The following SLC44A1 variants were observed in gnomAD, a reference collection of about 807,000 sequenced individuals.
SLC44A1 encodes choline transporter-like protein 1.
Under a neutral mutation model 79.3 loss-of-function variants are expected in SLC44A1, and 26 were observed. That is an observed-to-expected ratio of 0.33 (90% CI 0.24 to 0.46). The LOEUF (loss-of-function observed/expected upper bound fraction) is 0.46. Ranked by LOEUF, SLC44A1 falls within the 20% of genes least tolerant of loss-of-function variation. SLC44A1 has a pLI of 1.00. For synonymous variants in SLC44A1, 263 were observed against 286.2 expected (o/e 0.92, Z 0.82); for missense variants, 688 against 798.1 (o/e 0.86, Z 1.66).
chr9:105,368,414 G>A (rs754660727), intron 12 of SLC44A1, among the ~76,000 whole-genome samples: 1 of 152,102 alleles, frequency 6.6e-6, no homozygotes, highest in African/African-American at 2.4e-5. Context: ...TGTCTCCTGG[G>A]CTCATAGGAA....
intron 1 of SLC44A1, among the ~76,000 whole-genome samples, chr9:105,292,222 C>T (rs12341869): frequency 0.048 from 7,250 of 152,230 alleles, 577 homozygotes; most frequent in African/African-American, 0.16. Context: ...AGTTGCAGCA[C>T]CTCTAGATAT....
intron 15 of SLC44A1, among the ~76,000 whole-genome samples, chr9:105,436,191 C>T (rs1207531671): frequency 6.6e-6 from 1 of 152,120 alleles, no homozygotes; most frequent in African/African-American, 2.4e-5. Flanking sequence ...AAGCAAGACT[C>T]TATCTCAAAA....
intron 2 of SLC44A1, among the ~76,000 whole-genome samples, chr9:105,300,933 G>T (rs570940199): frequency 6.6e-6 from 1 of 151,778 alleles, no homozygotes; most frequent in African/African-American, 2.4e-5. Flanking sequence ...GTACCACCAC[G>T]CCCAGCTAAT....
intron 13 of SLC44A1, among the ~76,000 whole-genome samples, chr9:105,380,922 A>G (rs1010289306): frequency 3.9e-5 from 6 of 152,168 alleles, no homozygotes; most frequent in African/African-American, 1.4e-4. Context: ...CCATTAATGT[A>G]TCTGTTTGAA....
At chr9:105,397,791 CA>C (rs1828903973), downstream of SLC44A1, among the ~76,000 whole-genome samples, 1 of 151,764 alleles carries the variant, frequency 6.6e-6, no homozygotes, top group Non-Finnish European at 1.5e-5. Flanking sequence ...AAAAAAAATA[CA>C]AAAAAATAAG....
intron 1 of SLC44A1, among the ~76,000 whole-genome samples, chr9:105,278,410 G>A (rs1409931692): frequency 3.9e-5 from 6 of 152,066 alleles, no homozygotes; most frequent in African/African-American, 9.7e-5. Context: ...CACCACGCCC[G>A]GTTAATTTTT....
chr9:105,352,165 C>T (rs1300378055), intron 5 of SLC44A1, among the ~76,000 whole-genome samples: 1 of 152,086 alleles, frequency 6.6e-6, no homozygotes, highest in East Asian at 1.9e-4. Flanking sequence ...AAAGAAACAC[C>T]ACTCCATGTT....
intron 1 of SLC44A1, among the ~76,000 whole-genome samples, chr9:105,277,232 G>A (rs1367142316): frequency 6.6e-6 from 1 of 152,242 alleles, no homozygotes; most frequent in Non-Finnish European, 1.5e-5. Flanking sequence ...AGCAGGTTGT[G>A]TAGAATATCA....
intron 1 of SLC44A1, among the ~76,000 whole-genome samples, chr9:105,276,565 C>CGT (rs60259632): frequency 0.061 from 7,258 of 118,848 alleles, 429 homozygotes; most frequent in South Asian, 0.09. Context: ...GATGGGGAGC[C>CGT]GTGTGTGTGT....
chr9:105,436,387 A>T (rs760983527), intron 15 of SLC44A1, among the ~76,000 whole-genome samples: 33 of 152,184 alleles, frequency 2.2e-4, no homozygotes, highest in Non-Finnish European at 4.0e-4. Context: ...GGAAAAAATC[A>T]TGAAAGTTGA....
chr9:105,302,992 C>T (rs1001754368), intron 2 of SLC44A1, among the ~76,000 whole-genome samples: 1 of 152,046 alleles, frequency 6.6e-6, no homozygotes, highest in Non-Finnish European at 1.5e-5. Context: ...AATTAGGATC[C>T]GTAACATTTA....
chr9:105,358,530 C>CTA, intron 7 of SLC44A1, 97 bp downstream of exon 7: 1 of 740,400 alleles, frequency 1.4e-6, no homozygotes, highest in Non-Finnish European at 2.3e-6. Context: ...TTTTCACAAG[C>CTA]TATATCCTCA....
downstream of SLC44A1, among the ~76,000 whole-genome samples, chr9:105,398,386 T>C (rs565787440): frequency 4.6e-5 from 7 of 152,182 alleles, no homozygotes; most frequent in African/African-American, 1.7e-4. Flanking sequence ...TCGTGAGGAG[T>C]CTTAAACACT....
chr9:105,315,622 A>G (rs1055763903), intron 3 of SLC44A1, among the ~76,000 whole-genome samples: 1 of 152,206 alleles, frequency 6.6e-6, no homozygotes, highest in Non-Finnish European at 1.5e-5. Context: ...ATACTATACC[A>G]CATAACCATC....
intron 15 of SLC44A1, among the ~76,000 whole-genome samples, chr9:105,417,540 T>G (rs1162658256): frequency 1.3e-5 from 2 of 152,190 alleles, no homozygotes; most frequent in African/African-American, 4.8e-5. Flanking sequence ...GTTCCTTAAC[T>G]TCTCTTTCTT....
At chr9:105,313,679 A>G (rs1831240817) in intron 3 of SLC44A1, among the ~76,000 whole-genome samples, 1 of 152,118 alleles carries the variant, frequency 6.6e-6, no homozygotes, top group Non-Finnish European at 1.5e-5. Context: ...CACATTCTAG[A>G]TTGTCTACAA....
In SLC44A1 at chr9:105,374,602, C is replaced by T. The variant is rs750319700; in HGVS notation, c.1499C>T (p.Ala500Val). The change falls in exon 13 of 16, where the codon GCA (alanine) becomes GTA (valine). Residue 500 changes from alanine (A) to valine (V), a missense_variant. By Grantham distance (64) the Ala-to-Val change is moderately conservative (BLOSUM62 0). Coordinates refer to ENST00000374720, the MANE Select transcript of SLC44A1 (RefSeq NM_080546.5). ...GTTGTTTTTGCTTTTGTCCAGAATGCATACACAGCCACAGCTATCAACAGC... is the reference window on the plus strand; with the variant it reads ...GTTGTTTTTGCTTTTGTCCAGAATGTATACACAGCCACAGCTATCAACAGC... ...EKCLNYLNQN[A>V]YTATAINSTN... is the part of the protein sequence containing the mutation. 1.7e-5 allele frequency: 28 copies of T among 1,610,028 alleles called. No individual in the cohort carries two copies. Among genetic ancestry groups the T allele is most frequent in the Admixed American group, 3.4e-5 (2 of 59,008 alleles).
chr9:105,407,431 A>C (rs151096937), intron 15 of SLC44A1, among the ~76,000 whole-genome samples: 1 of 152,364 alleles, frequency 6.6e-6, no homozygotes, highest in Non-Finnish European at 1.5e-5. Flanking sequence ...GCAAGAGGGA[A>C]GCAGCTCACT....
At chr9:105,346,243 G>A (rs1315701930) in intron 4 of SLC44A1, among the ~76,000 whole-genome samples, 1 of 151,988 alleles carries the variant, frequency 6.6e-6, no homozygotes, top group East Asian at 1.9e-4. Flanking sequence ...ATTTAGTACT[G>A]GCCTGTGTCC....
Sources: allele counts gnomAD v4.1 joint callset (sites outside exome capture counted in the v4.1 genomes callset), GRCh38; gene constraint gnomAD v4.1.1; transcripts MANE v1.5; gene names NCBI Gene and HGNC (gene_info 2026-07-23, HGNC 2026-07-21).